SLC23A2: variants seen among roughly 807,000 people sequenced by gnomAD.
SLC23A2 encodes solute carrier family 23 member 2.
SLC23A2 carries 36 observed loss-of-function variants against 73.3 expected under a neutral mutation model. That is an observed-to-expected ratio of 0.49 (90% CI 0.38 to 0.65). SLC23A2 has a LOEUF of 0.65. SLC23A2 is among the 30% of genes least tolerant of loss of function. The pLI is 0.00. For synonymous variants in SLC23A2, 343 were observed against 327.3 expected, an observed-to-expected ratio of 1.05 and a Z score of -0.52; for missense variants, 507 against 841.6, an observed-to-expected ratio of 0.60 and a Z score of 4.92.
intron 4 of SLC23A2, among the ~76,000 whole-genome samples, chr20:4,905,689 G>C (rs1931920961): frequency 6.6e-6 from 1 of 152,086 alleles, no homozygotes; most frequent in Non-Finnish European, 1.5e-5. Context: ...GCACCTTTGG[G>C]GTCGATTGTA....
At chr20:4,950,567 G>A (rs2087185317) in intron 2 of SLC23A2, among the ~76,000 whole-genome samples, 1 of 152,284 alleles carries the variant, frequency 6.6e-6, no homozygotes, top group Admixed American at 6.5e-5. Flanking sequence ...CTGACATCAG[G>A]ACTAGGAAAG....
At chr20:4,929,182 C>T (rs1932757490) in intron 3 of SLC23A2, among the ~76,000 whole-genome samples, 1 of 151,926 alleles carries the variant, frequency 6.6e-6, no homozygotes, top group South Asian at 2.1e-4. Context: ...GGGAGGATCA[C>T]CTGAGCCAAG....
At chr20:4,955,356 A>AACAC (rs71197734) in intron 2 of SLC23A2, among the ~76,000 whole-genome samples, 2,273 of 144,776 alleles carry the variant, frequency 0.016, 24 homozygotes, top group Non-Finnish European at 0.021. Flanking sequence ...AATGAGTTAA[A>AACAC]ACACACACAC....
intron 1 of SLC23A2, among the ~76,000 whole-genome samples, chr20:4,980,211 A>C (rs1258648573): frequency 1.3e-5 from 2 of 152,196 alleles, no homozygotes; most frequent in African/African-American, 4.8e-5. Flanking sequence ...AAGTCTTAGA[A>C]ATGCAAATGA....
chr20:4,976,191 T>G (rs1600193138), intron 1 of SLC23A2, among the ~76,000 whole-genome samples: 1 of 151,962 alleles, frequency 6.6e-6, no homozygotes, highest in South Asian at 2.1e-4. Context: ...ACTTTGCTTT[T>G]TCTTTTTGCA....
At chr20:4,996,710 C>CAAAAAAAAA (rs1568662369) in intron 1 of SLC23A2, among the ~76,000 whole-genome samples, 4 of 38,908 alleles carry the variant, frequency 1.0e-4, no homozygotes, top group Non-Finnish European at 1.4e-4. Flanking sequence ...AAAAAAAAAA[C>CAAAAAAAAA]AACAACTCAT....
At chr20:4,870,308 GTGGCTCACGCCTGTAATC>G (rs1253988134) in intron 11 of SLC23A2, among the ~76,000 whole-genome samples, 2 of 152,200 alleles carry the variant, frequency 1.3e-5, no homozygotes, top group Admixed American at 6.5e-5. Flanking sequence ...GCCGGATGCG[GTGGCTCACGCCTGTAATC>G]CCAGCACTTT....
chr20:4,931,301 T>A (rs1932787985), intron 3 of SLC23A2, among the ~76,000 whole-genome samples: 1 of 152,038 alleles, frequency 6.6e-6, no homozygotes, highest in Non-Finnish European at 1.5e-5. Context: ...GTCTTAATTG[T>A]GCCACTGCAT....
chr20:4,945,105 G>T (rs926081226), intron 2 of SLC23A2, among the ~76,000 whole-genome samples: 5 of 152,064 alleles, frequency 3.3e-5, no homozygotes, highest in African/African-American at 1.2e-4. Context: ...CAGGGAGTTT[G>T]CAATTCTGAT....
Position 4,998,353 on chromosome 20 carries a change from C to T in SLC23A2, c.-282+3053G>A, listed in dbSNP as rs147776169. On this transcript the variant is annotated intron_variant, in intron 1 of 16. Transcript: ENST00000338244. The surrounding 1 kb of genome is among the most constrained non-coding windows in gnomAD (Gnocchi z 4.1). ...TCAATGTAATAAATGTATGAAAGGC[C>T]TATGAAAGGTGCAAGCTGAAAGCAG... 1.2e-3 allele frequency among the ~76,000 whole-genome samples: 179 copies of T among 152,198 alleles called. 3 individuals carry two copies. The highest frequency in any genetic ancestry group is 2.2e-3 in the Admixed American group (34 of 15,270).
intron 1 of SLC23A2, among the ~76,000 whole-genome samples, chr20:4,995,158 TG>T (rs897843255): frequency 1.3e-5 from 2 of 151,856 alleles, no homozygotes; most frequent in Non-Finnish European, 2.9e-5. Flanking sequence ...GGAAAGCCAG[TG>T]GGGGGAAAAA....
chr20:4,874,473 T>C, intron 10 of SLC23A2, 103 bp downstream of exon 10: 1 of 1,070,414 alleles, frequency 9.3e-7, no homozygotes, highest in Non-Finnish European at 1.4e-6. Context: ...TGCACAGATA[T>C]GATCCCCCAA....
intron 6 of SLC23A2, among the ~76,000 whole-genome samples, chr20:4,894,411 G>C (rs867995549): frequency 6.6e-6 from 1 of 152,198 alleles, no homozygotes; most frequent in Non-Finnish European, 1.5e-5. Flanking sequence ...TGGAAGAAAA[G>C]GAAAACTTTC....
intron 1 of SLC23A2, among the ~76,000 whole-genome samples, chr20:4,991,451 T>C (rs1222605838): frequency 6.6e-6 from 1 of 152,086 alleles, no homozygotes; most frequent in Non-Finnish European, 1.5e-5. Context: ...CAGCCAGGCA[T>C]GGTGGCTCAT....
intron 1 of SLC23A2, among the ~76,000 whole-genome samples, chr20:4,984,876 C>T (rs1343583055): frequency 6.6e-6 from 1 of 152,124 alleles, no homozygotes; most frequent in Admixed American, 6.6e-5. Flanking sequence ...TGGTGGCTCA[C>T]GCCTGTAATC....
At chr20:5,006,974 T>TGTGC (rs1263640182) in intron 1 of SLC23A2, among the ~76,000 whole-genome samples, 1 of 140,106 alleles carries the variant, frequency 7.1e-6, no homozygotes, top group South Asian at 2.3e-4. Flanking sequence ...TGTGTGTGTG[T>TGTGC]GTGCGTGCGT....
chr20:4,901,566 C>T (rs1230385706), intron 5 of SLC23A2, among the ~76,000 whole-genome samples: 1 of 152,184 alleles, frequency 6.6e-6, no homozygotes, highest in East Asian at 1.9e-4. Context: ...AGGGAAGTAT[C>T]AAAGACGCCG....
intron 1 of SLC23A2, among the ~76,000 whole-genome samples, chr20:4,997,480 C>G (rs971982084): frequency 6.6e-6 from 1 of 152,130 alleles, no homozygotes; most frequent in Admixed American, 6.6e-5. Context: ...AAGCCCTCTG[C>G]TATGAACTCA....
chr20:4,896,057 T>C (rs568417624), intron 6 of SLC23A2, among the ~76,000 whole-genome samples: 1 of 151,062 alleles, frequency 6.6e-6, no homozygotes, highest in Non-Finnish European at 1.5e-5. Flanking sequence ...ACAGGAAGGG[T>C]GGAGGAGTCT....
Sources: gnomAD v4.1 joint callset for allele counts (sites outside exome capture counted in the v4.1 genomes callset) on GRCh38, gnomAD v4.1.1 for gene constraint, Gnocchi (gnomAD v3.1) non-coding constraint, MANE v1.5 for transcripts, NCBI Gene and HGNC (gene_info 2026-07-23, HGNC 2026-07-21) for gene names.